Variants in ANKS1B observed in about 807,000 individuals in gnomAD.
ANKS1B encodes the protein ankyrin repeat and sterile alpha motif domain containing 1B, also known as ankyrin repeat and sterile alpha motif domain-containing protein 1B.
A neutral mutation model predicts 148.3 loss-of-function variants in ANKS1B; 36 were observed. The observed-to-expected ratio is 0.24, with a 90% CI of 0.19 to 0.32. The LOEUF is 0.32. Ranked by LOEUF, ANKS1B falls within the 10% of genes least tolerant of loss-of-function variation. ANKS1B has a pLI of 1.00. For synonymous variants in ANKS1B, 542 were observed against 560.8 expected (o/e 0.97, Z 0.47); for missense variants, 1,157 against 1,542.6 (o/e 0.75, Z 4.19).
At chr12:99,538,881 T>C (rs2097098461) in intron 9 of ANKS1B, among the ~76,000 whole-genome samples, 1 of 152,198 alleles carries the variant, frequency 6.6e-6, no homozygotes, top group Admixed American at 6.5e-5. Context: ...GGGTCTTTCA[T>C]ATATGGCTTT....
chr12:98,858,559 T>C (rs750613282), intron 17 of ANKS1B, among the ~76,000 whole-genome samples: 2 of 152,204 alleles, frequency 1.3e-5, no homozygotes, highest in Non-Finnish European at 2.9e-5. Flanking sequence ...AGGCTGGTCT[T>C]GAATTCCTGG....
At chr12:99,965,252 T>A (rs2095470997) in intron 1 of ANKS1B, among the ~76,000 whole-genome samples, 4 of 152,052 alleles carry the variant, frequency 2.6e-5, no homozygotes, top group African/African-American at 9.7e-5. Context: ...AAGGAAATGC[T>A]CAAGGAATGG....
At chr12:99,784,213 G>A (rs756851881) in intron 4 of ANKS1B, among the ~76,000 whole-genome samples, 74 of 139,092 alleles carry the variant, frequency 5.3e-4, no homozygotes, top group Middle Eastern at 3.9e-3. Flanking sequence ...GCTCTGTGGC[G>A]CAGGCTGGAG....
At chr12:99,491,379 T>C (rs544717383) in intron 10 of ANKS1B, among the ~76,000 whole-genome samples, 2 of 152,278 alleles carry the variant, frequency 1.3e-5, no homozygotes, top group South Asian at 4.1e-4. Flanking sequence ...TATAATGATA[T>C]TGCCTCTTTT....
At chr12:99,529,711 T>C (rs891897656) in intron 9 of ANKS1B, among the ~76,000 whole-genome samples, 6 of 152,144 alleles carry the variant, frequency 3.9e-5, no homozygotes, top group Non-Finnish European at 8.8e-5. Flanking sequence ...ACTTCCTAAT[T>C]ACCCTTAAAT....
intron 17 of ANKS1B, among the ~76,000 whole-genome samples, chr12:99,044,861 G>A (rs919828340): frequency 3.0e-4 from 45 of 152,176 alleles, no homozygotes; most frequent in African/African-American, 1.1e-3. Flanking sequence ...ATTTACAAAT[G>A]AGAAACTGAG....
At chr12:99,353,118 T>G (rs2091612005) in intron 12 of ANKS1B, among the ~76,000 whole-genome samples, 1 of 152,040 alleles carries the variant, frequency 6.6e-6, no homozygotes. Flanking sequence ...CTCCCCAGTA[T>G]GAATCTCACA....
In ANKS1B at chr12:99,341,298, T is replaced by C. The variant is rs1402962464; in HGVS notation, c.1756+58333A>G. 11 of 152,112 alleles carry C rather than the reference T, an allele frequency of 7.2e-5. No individual in the cohort carries two copies. In the East Asian group the frequency reaches 2.1e-3, roughly 29 times the overall value. The allele number at this position is 152,112 out of a possible 1,614,324, so 9.4% of individuals were successfully genotyped here. On this transcript the variant is annotated intron_variant, in intron 12 of 26. Transcript: ENST00000683438. ...TCTAGGTATTAATTAGCTCATGGAA[T>C]CTTTTGGAGTGCTAGAGAATCAAGC...
intron 9 of ANKS1B, among the ~76,000 whole-genome samples, chr12:99,562,692 AT>A (rs1440602371): frequency 6.6e-6 from 1 of 152,204 alleles, no homozygotes; most frequent in Non-Finnish European, 1.5e-5. Flanking sequence ...AAAGCCTCTT[AT>A]AAAACCATCA....
intron 19 of ANKS1B, among the ~76,000 whole-genome samples, chr12:98,817,033 C>T (rs2153649556): frequency 6.6e-6 from 1 of 152,152 alleles, no homozygotes; most frequent in South Asian, 2.1e-4. Flanking sequence ...CTCTGTTTCT[C>T]CCTTATGTTT....
chr12:99,850,766 T>G (rs2087691091), intron 1 of ANKS1B, among the ~76,000 whole-genome samples: 1 of 152,092 alleles, frequency 6.6e-6, no homozygotes, highest in South Asian at 2.1e-4. Flanking sequence ...TGATAGTATT[T>G]TGCTTTTGAC....
chr12:99,753,390 T>C (rs556487283), intron 8 of ANKS1B, among the ~76,000 whole-genome samples: 4 of 152,074 alleles, frequency 2.6e-5, no homozygotes, highest in Non-Finnish European at 5.9e-5. Context: ...GAAATATCAT[T>C]GGATAAGGAG....
intron 17 of ANKS1B, among the ~76,000 whole-genome samples, chr12:99,007,810 T>A (rs779992154): frequency 6.6e-6 from 1 of 152,152 alleles, no homozygotes. Flanking sequence ...CTTTCTCTAT[T>A]GCTTTTGCTG....
chr12:99,680,386 A>T (rs1168112988), intron 8 of ANKS1B, among the ~76,000 whole-genome samples: 1 of 152,088 alleles, frequency 6.6e-6, no homozygotes, highest in Non-Finnish European at 1.5e-5. Context: ...GGTTGCAGTG[A>T]GCCACGATCA....
intron 4 of ANKS1B, among the ~76,000 whole-genome samples, chr12:99,790,725 A>G (rs760073309): frequency 6.6e-6 from 1 of 152,210 alleles, no homozygotes; most frequent in Non-Finnish European, 1.5e-5. Context: ...TAGTATTTGC[A>G]AGCCTCATGG....
intron 16 of ANKS1B, among the ~76,000 whole-genome samples, chr12:99,066,333 A>T (rs1399450368): frequency 2.0e-5 from 3 of 152,200 alleles, no homozygotes; most frequent in African/African-American, 7.2e-5. Flanking sequence ...AAAATAAAAA[A>T]GTAAAAAATA....
At position 99,169,162 on chromosome 12, in the gene ANKS1B, A is replaced by G. The variant is rs11109748; in HGVS notation, c.2420-14767T>C. Among the ~76,000 whole-genome samples the G allele has an allele frequency of 5.7e-3, 872 of 152,340 alleles. 13 individuals are homozygous for G. Among genetic ancestry groups the G allele is most frequent in the African/African-American group, 0.02 (844 of 41,574 alleles). On this transcript the variant is annotated intron_variant, in intron 14 of 26. Transcript: ENST00000683438. Reference sequence around the variant, plus strand: ...GAATATCCATGTACTTGTGGAATTTATAGCCTTGTGGAGAAAATGAGTTTA... The same window carrying G: ...GAATATCCATGTACTTGTGGAATTTGTAGCCTTGTGGAGAAAATGAGTTTA...
chr12:99,334,514 C>T (rs1413377605), intron 12 of ANKS1B, among the ~76,000 whole-genome samples: 1 of 152,048 alleles, frequency 6.6e-6, no homozygotes, highest in East Asian at 1.9e-4. Context: ...TTATGATATG[C>T]ATGTACACAT....
intron 17 of ANKS1B, among the ~76,000 whole-genome samples, chr12:98,835,669 A>G (rs2099358720): frequency 6.6e-6 from 1 of 152,226 alleles, no homozygotes; most frequent in South Asian, 2.1e-4. Flanking sequence ...CTCTGCACTG[A>G]AGCTTCATTG....
Sources: gnomAD v4.1 joint callset for allele counts (sites outside exome capture counted in the v4.1 genomes callset) on GRCh38, gnomAD v4.1.1 for gene constraint, MANE v1.5 for transcripts, NCBI Gene and HGNC (gene_info 2026-07-23, HGNC 2026-07-21) for gene names.